P4HA1: variants seen among roughly 807,000 people sequenced by gnomAD.
The protein encoded by P4HA1 is prolyl 4-hydroxylase subunit alpha 1.
In P4HA1, 24 loss-of-function variants were observed where a neutral mutation model predicts 72.8. That is an observed-to-expected ratio of 0.33 (90% CI 0.24 to 0.46). The LOEUF (loss-of-function observed/expected upper bound fraction) is 0.46. P4HA1 is among the 20% of genes least tolerant of loss of function. P4HA1 has a pLI of 1.00. For synonymous variants in P4HA1, 201 were observed against 218.8 expected (o/e 0.92, Z 0.72); for missense variants, 446 against 640.6 (o/e 0.70, Z 3.28).
intron 10 of P4HA1, among the ~76,000 whole-genome samples, chr10:73,027,407 T>C (rs1352442277): frequency 2.0e-5 from 3 of 146,708 alleles, no homozygotes; most frequent in African/African-American, 7.6e-5. Context: ...ATGAGAACAC[T>C]TGGACACAGG....
At chr10:73,048,879 A>G (rs1840938978) in intron 7 of P4HA1, among the ~76,000 whole-genome samples, 2 of 152,220 alleles carry the variant, frequency 1.3e-5, no homozygotes, top group Admixed American at 1.3e-4. Flanking sequence ...TCACGCCTGT[A>G]ATCCCAGCAC....
At chr10:73,094,792 A>C (rs1332903113) in intron 1 of P4HA1, among the ~76,000 whole-genome samples, 1 of 152,214 alleles carries the variant, frequency 6.6e-6, no homozygotes, top group Non-Finnish European at 1.5e-5. Context: ...AACAACCCAG[A>C]CTACAAGGCA....
intron 10 of P4HA1, among the ~76,000 whole-genome samples, chr10:73,020,367 AAC>A (rs1840106332): frequency 6.6e-6 from 1 of 152,138 alleles, no homozygotes; most frequent in Admixed American, 6.5e-5. Context: ...TGAAACCCTG[AAC>A]AGACCAATAA....
intron 11 of P4HA1, among the ~76,000 whole-genome samples, 191 bp from the exon 12 acceptor site, chr10:73,014,480 C>A (rs1224337387): frequency 1.3e-5 from 2 of 152,120 alleles, no homozygotes; most frequent in African/African-American, 4.8e-5. Context: ...GCTATGTGGA[C>A]CAGGGTGATC....
chr10:73,019,483 A>G (rs1840084093), intron 10 of P4HA1, among the ~76,000 whole-genome samples: 1 of 152,180 alleles, frequency 6.6e-6, no homozygotes, highest in Non-Finnish European at 1.5e-5. Context: ...AGGAAACTCA[A>G]ACAGATAAAA....
chr10:73,036,537 C>T (rs1840580692), intron 9 of P4HA1, among the ~76,000 whole-genome samples: 1 of 152,042 alleles, frequency 6.6e-6, no homozygotes, highest in South Asian at 2.1e-4. Flanking sequence ...ACTGGAACTA[C>T]AAGCATGCAC....
intron 9 of P4HA1, among the ~76,000 whole-genome samples, chr10:73,037,571 A>ATATATATT (rs1238501206): frequency 9.8e-5 from 3 of 30,610 alleles, no homozygotes; most frequent in Non-Finnish European, 1.8e-4. Flanking sequence ...ATATATATAT[A>ATATATATT]TTTTTTTTTT....
At chr10:73,093,875 T>TAAAA (rs1564640983) in intron 1 of P4HA1, among the ~76,000 whole-genome samples, 49 of 36,326 alleles carry the variant, frequency 1.3e-3, no homozygotes, top group African/African-American at 5.0e-3. Flanking sequence ...AAAAAAAAAA[T>TAAAA]ATATATATAT....
chr10:73,037,517 G>T (rs568915163), intron 9 of P4HA1, among the ~76,000 whole-genome samples: 1 of 88,824 alleles, frequency 1.1e-5, no homozygotes, highest in Non-Finnish European at 2.1e-5. Context: ...TTAGCTAATC[G>T]AAAACCACTA....
chr10:73,016,460 T>C (rs1277283020), intron 11 of P4HA1, among the ~76,000 whole-genome samples: 4 of 152,182 alleles, frequency 2.6e-5, no homozygotes, highest in Admixed American at 2.0e-4. Flanking sequence ...CTTTAACAAG[T>C]GTCAAGAATA....
At chr10:73,041,055 C>G (rs1840721347) in intron 9 of P4HA1, among the ~76,000 whole-genome samples, 1 of 152,072 alleles carries the variant, frequency 6.6e-6, no homozygotes, top group Admixed American at 6.5e-5. Context: ...TCTGCAAATC[C>G]TTACTATCTA....
At chr10:73,012,375 T>A (rs1387825806) in intron 12 of P4HA1, among the ~76,000 whole-genome samples, 2 of 152,184 alleles carry the variant, frequency 1.3e-5, no homozygotes, top group Non-Finnish European at 2.9e-5. Context: ...AAAATTGGGA[T>A]ATAAACTGGT....
At chr10:73,056,842 T>C (rs143691840) in intron 5 of P4HA1, among the ~76,000 whole-genome samples, 24,282 of 151,580 alleles carry the variant, frequency 0.16, 3,209 homozygotes, top group African/African-American at 0.34. Flanking sequence ...AGGCGGATCA[T>C]GAGGTCAGGA....
chr10:73,055,308 G>A (rs190935510), intron 5 of P4HA1, among the ~76,000 whole-genome samples: 17 of 152,238 alleles, frequency 1.1e-4, no homozygotes, highest in African/African-American at 2.2e-4. Flanking sequence ...AGGTTCAAGC[G>A]ATTCTCCTGC....
chr10:73,094,321 T>C (rs1461136442), intron 1 of P4HA1, among the ~76,000 whole-genome samples: 3 of 152,156 alleles, frequency 2.0e-5, no homozygotes, highest in Non-Finnish European at 4.4e-5. Context: ...TCAAGACACC[T>C]AGATACCCTT....
chr10:73,014,385 T>G, intron 11 of P4HA1, 96 bp from the exon 12 acceptor site: 1 of 901,442 alleles, frequency 1.1e-6, no homozygotes, highest in Non-Finnish European at 1.8e-6. Context: ...TCCTGAAGAA[T>G]ATGCCAACAA....
intron 9 of P4HA1, among the ~76,000 whole-genome samples, chr10:73,044,741 A>G (rs1840813174): frequency 6.6e-6 from 1 of 152,224 alleles, no homozygotes; most frequent in African/African-American, 2.4e-5. Context: ...GAAGAAAGAT[A>G]AAAAGCATAT....
In P4HA1 at chr10:73,074,413, T is replaced by C. The variant is rs114688609; in HGVS notation, c.76+395A>G. Among the ~76,000 whole-genome samples the C allele has an allele frequency of 5.6e-3, 853 of 151,896 alleles. 11 individuals carry two copies. Among genetic ancestry groups the C allele is most frequent in the African/African-American group, 0.02 (821 of 41,470 alleles). Reference sequence around the variant, plus strand: ...CAGGAGAATCCCTTGAGGCCAGGAGTTGAAGACCAGCCTGGTCAACATGGT... The same window carrying C: ...CAGGAGAATCCCTTGAGGCCAGGAGCTGAAGACCAGCCTGGTCAACATGGT... On this transcript the variant is annotated intron_variant, in intron 2 of 14. Transcript: ENST00000394890.
At chr10:73,040,994 G>A (rs534903276) in intron 9 of P4HA1, among the ~76,000 whole-genome samples, 1 of 152,212 alleles carries the variant, frequency 6.6e-6, no homozygotes, top group East Asian at 1.9e-4. Flanking sequence ...TAATTGCAAT[G>A]TTCAGAAGCA....
Sources: gnomAD v4.1 joint callset for allele counts (sites outside exome capture counted in the v4.1 genomes callset) on GRCh38, gnomAD v4.1.1 for gene constraint, MANE v1.5 for transcripts, NCBI Gene and HGNC (gene_info 2026-07-23, HGNC 2026-07-21) for gene names.